POLR1C: variants seen among roughly 807,000 people sequenced by gnomAD.
The protein encoded by POLR1C is RNA polymerase I and III subunit C.
A neutral mutation model predicts 38.3 loss-of-function variants in POLR1C; 42 were observed. The ratio of observed to expected loss-of-function variants is 1.10; its 90% CI spans 0.86 to 1.42. POLR1C has a LOEUF of 1.42. Among genes scored for constraint, POLR1C ranks in the 40% most tolerant of loss-of-function variants. The probability of loss-of-function intolerance (pLI) is 0.00; values close to 1 mark genes in which losing one functional copy is unlikely to be tolerated. For missense variants in POLR1C, 507 were observed against 450.5 expected (o/e 1.13, Z -1.14); for synonymous variants, 163 against 163.9 (o/e 0.99, Z 0.04).
downstream of POLR1C, chr6:43,524,463 T>C (rs1793418888): frequency 6.2e-7 from 1 of 1,612,644 alleles, no homozygotes; most frequent in South Asian, 1.1e-5. Flanking sequence ...TGAAGGTGCA[T>C]GACCTACCCC....
downstream of POLR1C, chr6:43,534,144 A>G: frequency 1.8e-6 from 1 of 552,966 alleles, no homozygotes; most frequent in Non-Finnish European, 3.2e-6. Flanking sequence ...AAAAGAAGGT[A>G]TAAATATCTG....
At chr6:43,528,812 CTGACT>C (rs1561864627) in intron 8 of POLR1C, 1 of 1,611,408 alleles carries the variant, frequency 6.2e-7, no homozygotes, top group Non-Finnish European at 8.5e-7. Context: ...CTTCCTGTTC[CTGACT>C]TATCTCTTAC....
At chr6:43,532,600 T>C (rs1582202860), downstream of POLR1C, among the ~76,000 whole-genome samples, 2 of 152,230 alleles carry the variant, frequency 1.3e-5, no homozygotes. Context: ...TCAGATCTTA[T>C]ACCTGCCATT....
intron 6 of POLR1C, 43 bp downstream of exon 6, chr6:43,520,470 T>A: frequency 6.2e-7 from 1 of 1,611,718 alleles, no homozygotes; most frequent in Non-Finnish European, 8.5e-7. Context: ...GATAGTTCGG[T>A]TGCAGTGGGG....
chr6:43,540,522 A>T (rs1794636139), intron 9 of POLR1C, among the ~76,000 whole-genome samples: 1 of 152,104 alleles, frequency 6.6e-6, no homozygotes, highest in Non-Finnish European at 1.5e-5. Flanking sequence ...GCATGGTGGC[A>T]CACACCTGTA....
In POLR1C at chr6:43,550,312, C is replaced by A. The variant is rs145558841; in HGVS notation, c.*5-656C>A. Among the ~76,000 whole-genome samples, 7 of 152,266 alleles carry A rather than the reference C, an allele frequency of 4.6e-5. No homozygotes were observed. The Middle Eastern group carries it at 0.017, about 370-fold the overall frequency. ...CATTCCAATGAAATATGGCTGCTTA[C>A]TTGGCCACTATTATGGAATTAAACT... On this transcript the variant is annotated intron_variant, in intron 9 of 10. Transcript: ENST00000607635.
At chr6:43,547,250 A>G in intron 9 of POLR1C, 1 of 376,128 alleles carries the variant, frequency 2.7e-6, no homozygotes, top group Non-Finnish European at 5.0e-6. Context: ...GAAAAATCTC[A>G]GGTTTGCAAG....
chr6:43,555,836 A>T (rs367677652), intron 10 of POLR1C: 6 of 1,613,742 alleles, frequency 3.7e-6, no homozygotes, highest in Non-Finnish European at 4.2e-6. Flanking sequence ...AAAAACTTAC[A>T]ATTCACAGAA....
At position 43,519,831 on chromosome 6, in the gene POLR1C, G is replaced by A; in HGVS notation, c.375G>A (p.Arg125=). 12 of 1,613,998 alleles carry A rather than the reference G, an allele frequency of 7.4e-6. No individual in the cohort carries two copies. Among genetic ancestry groups the A allele is most frequent in the Non-Finnish European group, 1.0e-5 (12 of 1,179,948 alleles). ...IHADPRLFEY[R]NQGDEEGTEI... is the part of the protein sequence containing the mutation. ...CTGATCCCCGTCTTTTTGAGTATCG[G>A]AACCAAGGTGAGAAAATGAAATTTT... Residue 125 remains arginine, a synonymous_variant, in exon 4 of 9, where the codon CGG becomes CGA. Transcript: ENST00000642195.
chr6:43,519,563 T>C, intron 3 of POLR1C, 123 bp downstream of exon 3: 5 of 1,434,924 alleles, frequency 3.5e-6, no homozygotes, highest in Non-Finnish European at 4.9e-6. Context: ...TTGCTGAGCA[T>C]TTTACCTTCT....
chr6:43,561,105 A>G, intron 10 of POLR1C: 1 of 1,042,548 alleles, frequency 9.6e-7, no homozygotes, highest in Non-Finnish European at 1.5e-6. Context: ...AACCCTCAAA[A>G]AATGTTGTTT....
chr6:43,524,912 C>G, downstream of POLR1C: 1 of 1,614,012 alleles, frequency 6.2e-7, no homozygotes, highest in Non-Finnish European at 8.5e-7. Context: ...GTAAGCCTTT[C>G]AGCACACTGG....
At chr6:43,525,659 T>C (rs755208366), downstream of POLR1C, 9 of 625,110 alleles carry the variant, frequency 1.4e-5, no homozygotes, top group Non-Finnish European at 2.5e-5. Flanking sequence ...TATGCTGGTA[T>C]GGGAGACACC....
At chr6:43,539,534 T>C (rs1291898888) in intron 9 of POLR1C, 34 of 1,489,180 alleles carry the variant, frequency 2.3e-5, no homozygotes, top group Non-Finnish European at 3.0e-5. Flanking sequence ...CCACTCCTTA[T>C]CTTTGGCCTT....
At chr6:43,559,769 A>T (rs1270331902) in intron 10 of POLR1C, among the ~76,000 whole-genome samples, 1 of 152,198 alleles carries the variant, frequency 6.6e-6, no homozygotes, top group Admixed American at 6.5e-5. Flanking sequence ...ATGTCCAGTA[A>T]AGGAATCTTA....
At chr6:43,547,501 G>A (rs767272518) in intron 9 of POLR1C, 28 of 983,014 alleles carry the variant, frequency 2.8e-5, no homozygotes, top group Admixed American at 1.0e-4. Flanking sequence ...AGACTCCCAC[G>A]TTTCTCACCA....
At chr6:43,550,803 G>C (rs1034657713) in intron 9 of POLR1C, among the ~76,000 whole-genome samples, 1 of 152,086 alleles carries the variant, frequency 6.6e-6, no homozygotes, top group African/African-American at 2.4e-5. Flanking sequence ...TCAGGGAGTG[G>C]CTCTATCACC....
At chr6:43,536,487 G>A (rs1404209908) in intron 9 of POLR1C, among the ~76,000 whole-genome samples, 2 of 150,368 alleles carry the variant, frequency 1.3e-5, no homozygotes, top group African/African-American at 2.5e-5. Context: ...GGCCAGATGC[G>A]GTGGCTTATG....
chr6:43,532,390 G>A (rs762014434), downstream of POLR1C, among the ~76,000 whole-genome samples: 4 of 152,182 alleles, frequency 2.6e-5, no homozygotes, highest in East Asian at 5.8e-4. Context: ...TCAGACACAG[G>A]TTATAGCTGA....
Sources: allele counts gnomAD v4.1 joint callset (sites outside exome capture counted in the v4.1 genomes callset), GRCh38; gene constraint gnomAD v4.1.1; transcripts MANE v1.5; gene names NCBI Gene and HGNC (gene_info 2026-07-23, HGNC 2026-07-21).